ADD3: variants seen among roughly 807,000 people sequenced by gnomAD.
ADD3 encodes the protein adducin 3.
ADD3 carries 25 observed loss-of-function variants against 80.2 expected under a neutral mutation model. The ratio of observed to expected loss-of-function variants is 0.31; its 90% CI spans 0.23 to 0.44. ADD3 has a LOEUF of 0.44. Among genes scored for constraint, ADD3 ranks in the 20% least tolerant of loss-of-function variants. The pLI, the probability that ADD3 is intolerant of heterozygous loss-of-function variation, is 1.00. For synonymous variants in ADD3, 284 were observed against 289.6 expected (o/e 0.98, Z 0.20); for missense variants, 829 against 847.5 (o/e 0.98, Z 0.27).
At chr10:110,015,901 A>G (rs1025415316) in intron 1 of ADD3, among the ~76,000 whole-genome samples, 9 of 152,248 alleles carry the variant, frequency 5.9e-5, no homozygotes, top group Non-Finnish European at 1.3e-4. Flanking sequence ...GTAATAGGGA[A>G]GGAACATTTT....
chr10:110,089,816 A>G lies in ADD3; in HGVS notation c.-29-10809A>G, dbSNP rs141452434. On this transcript the variant is annotated intron_variant, in intron 1 of 14. Coordinates refer to ENST00000356080, the MANE Select transcript of ADD3 (RefSeq NM_016824.5). ...CAATTCAAGTTAATGTTAGATAATG[A>G]TTAATGATTGAGTTTGGACTTGAAG... Among the ~76,000 whole-genome samples, 122 of 152,282 alleles carry G rather than the reference A, an allele frequency of 8.0e-4. No homozygotes were observed. In the East Asian group the frequency reaches 0.013, roughly 16 times the overall value.
chr10:110,072,514 G>A (rs997330698), intron 1 of ADD3, among the ~76,000 whole-genome samples: 4 of 152,198 alleles, frequency 2.6e-5, no homozygotes, highest in Admixed American at 6.5e-5. Context: ...GTAAGCCAGA[G>A]GGTTGTGGGA....
chr10:110,022,797 G>A (rs1240867811), intron 1 of ADD3, among the ~76,000 whole-genome samples: 1 of 152,172 alleles, frequency 6.6e-6, no homozygotes, highest in East Asian at 1.9e-4. Context: ...AGGGAGGAGA[G>A]TGGCATTTGA....
upstream of ADD3, among the ~76,000 whole-genome samples, chr10:110,004,536 C>G (rs1186946795): frequency 6.6e-6 from 1 of 151,720 alleles, no homozygotes; most frequent in Non-Finnish European, 1.5e-5. Flanking sequence ...GTCTTGATCT[C>G]TTGACCTCGT....
chr10:110,093,565 A>G (rs1847808356), intron 1 of ADD3, among the ~76,000 whole-genome samples: 1 of 152,198 alleles, frequency 6.6e-6, no homozygotes, highest in Non-Finnish European at 1.5e-5. Context: ...GACTTCCTAT[A>G]TACTGATCAA....
At position 110,132,332 on chromosome 10, in the gene ADD3, A is replaced by G. The variant is rs145303833; in HGVS notation, c.1760A>G (p.Asp587Gly). ...GCTGAGCAGGAATTACTCTCAGATGACGCTTCATCTGTTTCACAAATTCAG... is the reference window on the plus strand; with the variant it reads ...GCTGAGCAGGAATTACTCTCAGATGGCGCTTCATCTGTTTCACAAATTCAG... The part of the protein sequence containing the change: ...EDAEQELLSD[D>G]ASSVSQIQSQ... Residue 587 changes from aspartate (D) to glycine (G), a missense_variant, in exon 14 of 15, where the codon GAC (aspartate) becomes GGC (glycine). Asp to Gly is a moderately conservative substitution (Grantham distance 94). Coordinates refer to ENST00000356080, the MANE Select transcript of ADD3 (RefSeq NM_016824.5). 225 of 1,613,618 alleles carry G rather than the reference A, an allele frequency of 1.4e-4. No individual in the cohort carries two copies. The highest frequency in any genetic ancestry group is 1.7e-4 in the Non-Finnish European group (204 of 1,179,818).
intron 1 of ADD3, among the ~76,000 whole-genome samples, chr10:110,087,909 G>A (rs1839511905): frequency 6.6e-6 from 1 of 152,266 alleles, no homozygotes; most frequent in African/African-American, 2.4e-5. Flanking sequence ...GGTGTTGGCA[G>A]GATTGGTTCA....
chr10:110,094,014 A>G (rs1313839436), intron 1 of ADD3, among the ~76,000 whole-genome samples: 2 of 152,180 alleles, frequency 1.3e-5, no homozygotes, highest in African/African-American at 4.8e-5. Context: ...ATATTTAATG[A>G]TGTACTTAAA....
At chr10:110,104,215 A>G (rs899914082) in intron 2 of ADD3, among the ~76,000 whole-genome samples, 1 of 152,206 alleles carries the variant, frequency 6.6e-6, no homozygotes, top group Non-Finnish European at 1.5e-5. Context: ...ACTGGTCCAA[A>G]GCAATTGTGA....
At chr10:110,031,014 G>C (rs111303331) in intron 1 of ADD3, among the ~76,000 whole-genome samples, 2 of 149,882 alleles carry the variant, frequency 1.3e-5, no homozygotes, top group East Asian at 1.9e-4. Flanking sequence ...GGTGGCTCAC[G>C]CCTGTAATCC....
In ADD3 at chr10:110,122,149, C is replaced by A. The variant is rs1851587589; in HGVS notation, c.1000C>A (p.His334Asn). The A allele has an allele frequency of 6.2e-7, 1 of 1,613,968 alleles. No homozygotes were observed. The highest frequency in any genetic ancestry group is 8.5e-7 in the Non-Finnish European group (1 of 1,179,970). Residue 334 changes from histidine (H) to asparagine (N), a missense_variant, in exon 9 of 15, where the codon CAT becomes AAT. Transcript: ENST00000356080. The stretch of plus-strand genomic sequence containing the variant: ...AGGTGCAGGTGGAGTAGACAATCTC[C>A]ATGTACTGGACTTTCAGAAGTATAA... ...LAGAGGVDNL[H>N]VLDFQKYKAF...
At position 110,126,968 on chromosome 10, in the gene ADD3, A is replaced by G. The variant is rs1852250385; in HGVS notation, c.1608+465A>G. On this transcript the variant is annotated intron_variant, in intron 12 of 14. Transcript: ENST00000356080. ...AAGTACCATTGTTTTATATGTCACT[A>G]AAAGAGAAAAAACACTGCCAATTAT... Among the ~76,000 whole-genome samples the G allele has an allele frequency of 2.6e-5, 4 of 152,246 alleles. No individual in the cohort carries two copies. The South Asian group carries it at 8.3e-4, about 32-fold the overall frequency.
rs146479224 is a variant in ADD3, at chr10:110,107,965, A to C, written c.196-4812A>C. 2.0e-5 allele frequency among the ~76,000 whole-genome samples: 3 copies of C among 152,226 alleles called. 1 individual carries two copies. Among genetic ancestry groups the C allele is most frequent in the African/African-American group, 7.2e-5 (3 of 41,548 alleles). On this transcript the variant is annotated intron_variant, in intron 2 of 14. Coordinates refer to ENST00000356080, the MANE Select transcript of ADD3 (RefSeq NM_016824.5). ...ATCTTCACAAAATTTAACAACTACC[A>C]CTACCTCCTCTTCTATGCTCTTCTG...
At chr10:110,103,931 A>G (rs745572210) in intron 2 of ADD3, among the ~76,000 whole-genome samples, 5 of 152,052 alleles carry the variant, frequency 3.3e-5, no homozygotes, top group Non-Finnish European at 7.4e-5. Flanking sequence ...TCTTCCTTCC[A>G]CATGCAAAAT....
At chr10:110,069,760 G>A (rs1181891805) in intron 1 of ADD3, among the ~76,000 whole-genome samples, 1 of 152,028 alleles carries the variant, frequency 6.6e-6, no homozygotes, top group Non-Finnish European at 1.5e-5. Flanking sequence ...CAAGATAATT[G>A]GTCTTAATTA....
At chr10:110,019,357 C>CTT (rs11392689) in intron 1 of ADD3, among the ~76,000 whole-genome samples, 3,968 of 138,230 alleles carry the variant, frequency 0.029, 208 homozygotes, top group African/African-American at 0.096. Context: ...TTTCTGTTTG[C>CTT]TTTTTTTTTT....
At chr10:110,080,214 C>T (rs1845914407) in intron 1 of ADD3, among the ~76,000 whole-genome samples, 2 of 152,130 alleles carry the variant, frequency 1.3e-5, no homozygotes, top group Admixed American at 6.5e-5. Flanking sequence ...GGTTCAAAGT[C>T]GGGTAACTTG....
chr10:110,039,261 A>T (rs1361953161), intron 1 of ADD3, among the ~76,000 whole-genome samples: 1 of 151,874 alleles, frequency 6.6e-6, no homozygotes, highest in Non-Finnish European at 1.5e-5. Flanking sequence ...ATCCTTTAAG[A>T]CCTTCTGACT....
chr10:110,039,778 C>A (rs1856072373), intron 1 of ADD3, among the ~76,000 whole-genome samples: 1 of 152,180 alleles, frequency 6.6e-6, no homozygotes, highest in African/African-American at 2.4e-5. Context: ...CATTTCAAGG[C>A]TTGACTGAGG....
Sources: gnomAD v4.1 joint callset for allele counts (sites outside exome capture counted in the v4.1 genomes callset) on GRCh38, gnomAD v4.1.1 for gene constraint, MANE v1.5 for transcripts, NCBI Gene and HGNC (gene_info 2026-07-23, HGNC 2026-07-21) for gene names.